GPR158: variants seen among roughly 807,000 people sequenced by gnomAD.
GPR158 encodes the protein metabotropic glycine receptor.
In GPR158, 30 loss-of-function variants were observed where a neutral mutation model predicts 78.2. The ratio of observed to expected loss-of-function variants is 0.38; its 90% CI spans 0.29 to 0.52. The LOEUF is 0.52. GPR158 is among the 20% of genes least tolerant of loss of function. GPR158 has a pLI of 0.83. For missense variants in GPR158, 1,463 were observed against 1,523.5 expected, an observed-to-expected ratio of 0.96 and a Z score of 0.66; for synonymous variants, 581 against 591.1, an observed-to-expected ratio of 0.98 and a Z score of 0.25.
At chr10:25,348,657 A>C (rs1409463875) in intron 2 of GPR158, among the ~76,000 whole-genome samples, 1 of 151,988 alleles carries the variant, frequency 6.6e-6, no homozygotes, top group Non-Finnish European at 1.5e-5. Flanking sequence ...CAGATTGTTA[A>C]TGAAACACAC....
chr10:25,352,826 C>G (rs1047192434), intron 2 of GPR158, among the ~76,000 whole-genome samples: 2 of 151,964 alleles, frequency 1.3e-5, no homozygotes, highest in African/African-American at 4.8e-5. Context: ...AGGCCTTGAA[C>G]TGTTACTCTG....
chr10:25,340,109 A>C (rs1366545263), intron 2 of GPR158, among the ~76,000 whole-genome samples: 1 of 152,060 alleles, frequency 6.6e-6, no homozygotes, highest in Non-Finnish European at 1.5e-5. Flanking sequence ...TCAAGGGAAA[A>C]AAAAATCTGC....
chr10:25,199,601 A>G (rs555191547), intron 1 of GPR158, among the ~76,000 whole-genome samples: 57 of 152,212 alleles, frequency 3.7e-4, no homozygotes, highest in Non-Finnish European at 6.8e-4. Flanking sequence ...TCATGGGGGC[A>G]ATTCCCCCAT....
chr10:25,272,242 T>A (rs866497657), intron 2 of GPR158, among the ~76,000 whole-genome samples: 2 of 152,352 alleles, frequency 1.3e-5, no homozygotes, highest in Middle Eastern at 3.4e-3. Flanking sequence ...TCCAAGTTCT[T>A]GCTAAGCTTT....
chr10:25,392,770 G>T (rs1361188736), intron 2 of GPR158, among the ~76,000 whole-genome samples: 1 of 151,726 alleles, frequency 6.6e-6, no homozygotes, highest in Non-Finnish European at 1.5e-5. Flanking sequence ...CATGGTGGTG[G>T]GTACAGCAAG....
Position 25,466,606 on chromosome 10 carries a change from TTAGAA to T in GPR158, c.1336-44_1336-40del. 2.3e-6 allele frequency: 3 copies of T among 1,278,304 alleles called. No homozygotes were observed. In the Admixed American group the frequency reaches 5.6e-5, roughly 24 times the overall value. 79.2% of individuals were successfully genotyped at this position (1,278,304 alleles called of 1,614,324 possible). ...TCACAATAGCGTGAATTCTCCAGGC[TTAGAA>T]ATGTAAGTTAGTAATGACGTTTTTA... On this transcript the variant is annotated intron_variant, in intron 4 of 10. Coordinates refer to ENST00000376351, the MANE Select transcript of GPR158 (RefSeq NM_020752.3).
chr10:25,432,397 G>A (rs970697100), intron 4 of GPR158, among the ~76,000 whole-genome samples: 12 of 152,132 alleles, frequency 7.9e-5, no homozygotes, highest in Admixed American at 6.6e-4. Context: ...AGATGTAATA[G>A]AATTAAAAGT....
At chr10:25,414,612 C>A (rs2026055) in intron 4 of GPR158, among the ~76,000 whole-genome samples, 22,230 of 151,982 alleles carry the variant, frequency 0.15, 1,816 homozygotes, top group African/African-American at 0.2. Context: ...ATAGAACATT[C>A]CAGTGTAGAG....
At position 25,282,840 on chromosome 10, in the gene GPR158, T is replaced by C. The variant is rs919727891; in HGVS notation, c.1008+61683T>C. Among the ~76,000 whole-genome samples the C allele has an allele frequency of 2.0e-5, 3 of 152,170 alleles. No individual in the cohort carries two copies. The South Asian group carries it at 6.2e-4, about 31-fold the overall frequency. On this transcript the variant is annotated intron_variant, in intron 2 of 10. Coordinates refer to ENST00000376351, the MANE Select transcript of GPR158 (RefSeq NM_020752.3). ...ATTGTATTGTTTGCTTTCTTATGAA[T>C]TATCTGAGTTCTTTGTATATGCTAA...
intron 2 of GPR158, among the ~76,000 whole-genome samples, chr10:25,387,356 T>C (rs1214140626): frequency 6.6e-6 from 1 of 152,200 alleles, no homozygotes; most frequent in African/African-American, 2.4e-5. Flanking sequence ...CTTTTTAATG[T>C]CTGTTGAATT....
chr10:25,361,532 C>A (rs1033443494), intron 2 of GPR158, among the ~76,000 whole-genome samples: 3 of 151,900 alleles, frequency 2.0e-5, no homozygotes, highest in African/African-American at 7.2e-5. Flanking sequence ...ATAGTGCCGG[C>A]ACCATTTAAA....
In GPR158 at chr10:25,598,517, C is replaced by T. The variant is rs145592298; in HGVS notation, c.2891C>T (p.Ala964Val). The stretch of plus-strand genomic sequence containing the variant: ...CCTGCCCCCCAAAACTCAAATCCTG[C>T]GGAGGAGCCAAGAAAGCCTCAGAAA... The part of the protein sequence containing the change: ...KDPAPQNSNP[A>V]EEPRKPQKSG... The change falls in exon 11 of 11, where the codon GCG becomes GTG. Residue 964 changes from alanine (A) to valine (V), a missense_variant. Physicochemically the swap from Ala to Val is moderately conservative, Grantham distance 64. Coordinates refer to ENST00000376351, the MANE Select transcript of GPR158 (RefSeq NM_020752.3). The T allele has an allele frequency of 2.5e-4, 409 of 1,612,974 alleles. 2 individuals are homozygous for T. The East Asian group carries it at 7.3e-3, about 29-fold the overall frequency.
chr10:25,524,930 G>C (rs1836328084), intron 5 of GPR158, among the ~76,000 whole-genome samples: 1 of 152,066 alleles, frequency 6.6e-6, no homozygotes, highest in African/African-American at 2.4e-5. Context: ...ATAATAAAAA[G>C]ACAATTCACC....
At chr10:25,446,637 G>A (rs1013187394) in intron 4 of GPR158, among the ~76,000 whole-genome samples, 2 of 152,160 alleles carry the variant, frequency 1.3e-5, no homozygotes, top group African/African-American at 4.8e-5. Flanking sequence ...TATAGTCATT[G>A]TAATTGAGTA....
chr10:25,450,345 T>A (rs2130600122), intron 4 of GPR158, among the ~76,000 whole-genome samples: 1 of 150,472 alleles, frequency 6.6e-6, no homozygotes, highest in Non-Finnish European at 1.5e-5. Flanking sequence ...GCTCTCCATC[T>A]TCAGGGATTC....
intron 1 of GPR158, among the ~76,000 whole-genome samples, chr10:25,194,295 T>C (rs1173335800): frequency 6.6e-6 from 1 of 152,086 alleles, no homozygotes; most frequent in Non-Finnish European, 1.5e-5. Flanking sequence ...TCACAGCACT[T>C]TGGGAGGCCG....
chr10:25,339,020 CTT>C (rs55774828), intron 2 of GPR158, among the ~76,000 whole-genome samples: 75 of 137,148 alleles, frequency 5.5e-4, no homozygotes, highest in East Asian at 2.7e-3. Context: ...TTCTTTCTTT[CTT>C]TTTTTTTTTT....
intron 8 of GPR158, 119 bp downstream of exon 8, chr10:25,589,264 G>A: frequency 1.6e-6 from 1 of 615,654 alleles, no homozygotes. Context: ...CATTTTATAA[G>A]TGGACTAATT....
At chr10:25,578,605 A>G (rs1366234894) in intron 7 of GPR158, among the ~76,000 whole-genome samples, 2 of 152,226 alleles carry the variant, frequency 1.3e-5, no homozygotes, top group African/African-American at 4.8e-5. Context: ...GCAAAGGAAA[A>G]CTATAACTTA....
Sources: gnomAD v4.1 joint callset for allele counts (sites outside exome capture counted in the v4.1 genomes callset) on GRCh38, gnomAD v4.1.1 for gene constraint, MANE v1.5 for transcripts, NCBI Gene and HGNC (gene_info 2026-07-23, HGNC 2026-07-21) for gene names.